LINC00632: variants seen among roughly 807,000 people sequenced by gnomAD.
LINC00632 encodes long independently transcribed non-coding RNA 632.
intron 2 of LINC00632, among the ~76,000 whole-genome samples, chrX:140,715,423 T>C (rs1405026319): frequency 9.1e-6 from 1 of 110,190 alleles, no homozygotes; most frequent in African/African-American, 3.3e-5. Context: ...TGAAACCCCG[T>C]CTCTACTAAA....
At chrX:140,759,358 TTTCTTTC>T (rs1931563034) in intron 3 of LINC00632, among the ~76,000 whole-genome samples, 1 of 100,711 alleles carries the variant, frequency 9.9e-6, no homozygotes, top group South Asian at 5.0e-4. Flanking sequence ...TCTTTCTTTC[TTTCTTTC>T]TTTTTAAAAG....
chrX:140,715,845 C>G (rs1461072374), intron 2 of LINC00632, among the ~76,000 whole-genome samples: 1 of 111,356 alleles, frequency 9.0e-6, no homozygotes, highest in African/African-American at 3.3e-5. Context: ...ATACTTGCCT[C>G]ACAACTCACA....
intron 3 of LINC00632, among the ~76,000 whole-genome samples, chrX:140,757,615 G>A (rs1424727714): frequency 1.8e-5 from 2 of 111,527 alleles, no homozygotes; most frequent in African/African-American, 3.3e-5. Context: ...CACCCAGGCT[G>A]TAGTGCAGAG....
intron 3 of LINC00632, among the ~76,000 whole-genome samples, chrX:140,765,100 G>A (rs147830529): frequency 0.03 from 3,368 of 111,861 alleles, 73 homozygotes; most frequent in African/African-American, 0.073. Context: ...ATAAGGGCAA[G>A]CTCAGACCTT....
chrX:140,721,403 G>A (rs1930726429), intron 2 of LINC00632, among the ~76,000 whole-genome samples: 1 of 111,492 alleles, frequency 9.0e-6, no homozygotes, highest in Non-Finnish European at 1.9e-5. Flanking sequence ...GGGGTGAGGT[G>A]GGAGGGGTGG....
At chrX:140,737,490 C>G (rs1931162973) in intron 3 of LINC00632, among the ~76,000 whole-genome samples, 1 of 111,261 alleles carries the variant, frequency 9.0e-6, no homozygotes, top group South Asian at 3.8e-4. Context: ...CTCGTCTAGC[C>G]ATTCTGAAAA....
chrX:140,751,848 C>G (rs1277540019), intron 3 of LINC00632, among the ~76,000 whole-genome samples: 1 of 111,436 alleles, frequency 9.0e-6, no homozygotes, highest in African/African-American at 3.3e-5. Context: ...ATATATCCAC[C>G]CTACAGGCCT....
chrX:140,738,294 C>A (rs1380810265), intron 3 of LINC00632, among the ~76,000 whole-genome samples: 1 of 112,143 alleles, frequency 8.9e-6, no homozygotes, highest in African/African-American at 3.2e-5. Flanking sequence ...TGTTCCTACT[C>A]ACATACTTCT....
At chrX:140,738,290 T>C (rs1931175145) in intron 3 of LINC00632, among the ~76,000 whole-genome samples, 1 of 112,368 alleles carries the variant, frequency 8.9e-6, no homozygotes. Context: ...ATACTGTTCC[T>C]ACTCACATAC....
exon 5 of LINC00632, among the ~76,000 whole-genome samples, chrX:140,786,312 T>C (rs1214640695): frequency 8.9e-6 from 1 of 111,852 alleles, no homozygotes; most frequent in African/African-American, 3.2e-5. Context: ...CTTAAAATCG[T>C]CTGTGGGAAA....
At position 140,712,381 on chromosome X, in the gene LINC00632, C is replaced by T. The variant is rs181246699; in HGVS notation, n.104+725C>T. On this transcript the variant is annotated intron_variant and non_coding_transcript_variant, in intron 2 of 4. Transcript: ENST00000648200. ...TTGTGTGTTAAAAAAAAAAATACCC[C>T]CGGGGTTAAAGTTCCTCCTTCAACC... Among the ~76,000 whole-genome samples, 601 of 103,622 alleles carry T rather than the reference C, an allele frequency of 5.8e-3. 3 individuals carry two copies. The highest frequency in any genetic ancestry group is 0.02 in the African/African-American group (568 of 28,519). 90.0% of individuals were successfully genotyped at this position (103,622 alleles called of 115,157 possible).
At chrX:140,751,524 A>G (rs1931410959) in intron 3 of LINC00632, among the ~76,000 whole-genome samples, 1 of 111,511 alleles carries the variant, frequency 9.0e-6, no homozygotes, top group African/African-American at 3.3e-5. Flanking sequence ...GCCAGTGGGA[A>G]GAATACATTT....
At chrX:140,751,068 T>C (rs1422064769) in intron 3 of LINC00632, among the ~76,000 whole-genome samples, 1 of 111,985 alleles carries the variant, frequency 8.9e-6, no homozygotes, top group African/African-American at 3.2e-5. Context: ...TTGTGAATTG[T>C]ACTGCTATTA....
At chrX:140,752,574 T>C (rs1163685878) in intron 3 of LINC00632, among the ~76,000 whole-genome samples, 1 of 112,243 alleles carries the variant, frequency 8.9e-6, no homozygotes, top group African/African-American at 3.2e-5. Context: ...CCAAATCATA[T>C]CAGGTAATGT....
exon 5 of LINC00632, among the ~76,000 whole-genome samples, chrX:140,788,820 TC>T (rs1436346561): frequency 1.0e-5 from 1 of 98,787 alleles, no homozygotes. Flanking sequence ...GTATCTATAT[TC>T]CATATATACA....
intron 3 of LINC00632, among the ~76,000 whole-genome samples, chrX:140,752,077 C>A (rs1368690544): frequency 1.8e-5 from 2 of 111,243 alleles, no homozygotes; most frequent in African/African-American, 6.5e-5. Flanking sequence ...AGGCTTTTCT[C>A]CCACTCTGAC....
exon 5 of LINC00632, among the ~76,000 whole-genome samples, chrX:140,776,438 TTGTC>T (rs1931872051): frequency 2.7e-5 from 3 of 112,896 alleles, no homozygotes; most frequent in East Asian, 5.6e-4. Context: ...ACACAAGGGT[TTGTC>T]TGCCTGCGTG....
exon 5 of LINC00632, among the ~76,000 whole-genome samples, chrX:140,777,066 T>C (rs1399343123): frequency 2.1e-5 from 2 of 96,522 alleles, no homozygotes; most frequent in African/African-American, 4.0e-5. Context: ...CACATGTTCT[T>C]ACTCATAAGT....
chrX:140,776,005 G>C (rs374388404), exon 5 of LINC00632, among the ~76,000 whole-genome samples: 1 of 111,751 alleles, frequency 8.9e-6, no homozygotes, highest in East Asian at 2.8e-4. Context: ...CAAAAGAATG[G>C]GAGAAAAATT....
Sources: allele counts gnomAD v4.1 joint callset (sites outside exome capture counted in the v4.1 genomes callset), GRCh38; gene constraint gnomAD v4.1.1; transcripts MANE v1.5; gene names NCBI Gene and HGNC (gene_info 2026-07-23, HGNC 2026-07-21).